Variants in GFOD2 observed in about 807,000 individuals in gnomAD.
GFOD2 encodes Gfo/Idh/MocA-like oxidoreductase domain containing 2, also known as glucose-fructose oxidoreductase domain-containing protein 2.
Under a neutral mutation model 24.6 loss-of-function variants are expected in GFOD2, and 9 were observed. The observed-to-expected ratio is 0.37, with a 90% confidence interval of 0.22 to 0.64. GFOD2 has a LOEUF of 0.64. Among genes scored for constraint, GFOD2 ranks in the 30% least tolerant of loss-of-function variants. GFOD2 has a pLI of 0.65. For missense variants in GFOD2, 476 were observed against 532.5 expected, an observed-to-expected ratio of 0.89 and a Z score of 1.04; for synonymous variants, 211 against 224.8, an observed-to-expected ratio of 0.94 and a Z score of 0.55.
intron 1 of GFOD2, among the ~76,000 whole-genome samples, chr16:67,705,953 G>A (rs898263885): frequency 1.0e-4 from 15 of 144,898 alleles, no homozygotes; most frequent in Non-Finnish European, 1.2e-4. Context: ...AAAAAAAAAA[G>A]TGCCTGTTAT....
At chr16:67,703,771 A>G (rs946705261) in intron 1 of GFOD2, among the ~76,000 whole-genome samples, 6 of 152,200 alleles carry the variant, frequency 3.9e-5, no homozygotes, top group African/African-American at 1.2e-4. Context: ...TGCAGAGAAG[A>G]GCACCATTAA....
chr16:67,707,185 C>G (rs1211867786), intron 1 of GFOD2, among the ~76,000 whole-genome samples: 1 of 151,880 alleles, frequency 6.6e-6, no homozygotes, highest in African/African-American at 2.4e-5. Context: ...ATGGTGAAAC[C>G]CCATGTCTAC....
intron 1 of GFOD2, among the ~76,000 whole-genome samples, chr16:67,709,573 TAAAGGA>T (rs1722397749): frequency 6.6e-6 from 1 of 152,094 alleles, no homozygotes; most frequent in South Asian, 2.1e-4. Context: ...TTAAATGCTA[TAAAGGA>T]AAAGAATGGT....
intron 1 of GFOD2, among the ~76,000 whole-genome samples, chr16:67,695,216 C>T (rs1012756082): frequency 8.6e-5 from 13 of 151,920 alleles, no homozygotes; most frequent in South Asian, 2.1e-4. Context: ...AGGCTGGTCT[C>T]GAACTCCTGA....
At chr16:67,708,643 C>T (rs1778335124) in intron 1 of GFOD2, among the ~76,000 whole-genome samples, 1 of 152,158 alleles carries the variant, frequency 6.6e-6, no homozygotes, top group Non-Finnish European at 1.5e-5. Context: ...ACAGGTTGGG[C>T]AATAAGACTT....
chr16:67,679,764 G>A (rs2053210434), intron 2 of GFOD2, among the ~76,000 whole-genome samples: 1 of 151,886 alleles, frequency 6.6e-6, no homozygotes, highest in Non-Finnish European at 1.5e-5. Context: ...GCAGGCGCCT[G>A]TAATCCCAGC....
intron 1 of GFOD2, among the ~76,000 whole-genome samples, chr16:67,694,896 T>A (rs2053346525): frequency 6.6e-6 from 1 of 152,162 alleles, no homozygotes; most frequent in African/African-American, 2.4e-5. Flanking sequence ...TGGGGTTGTT[T>A]TATTTTAACC....
At chr16:67,683,572 CAG>C (rs1160803524) in intron 2 of GFOD2, 22 of 1,231,666 alleles carry the variant, frequency 1.8e-5, no homozygotes, top group South Asian at 8.2e-5. Context: ...CACACATCCT[CAG>C]AGAGAGCTCT....
At position 67,714,060 on chromosome 16, in the gene GFOD2, G is replaced by A. The variant is rs936143158; in HGVS notation, c.-88+5103C>T. ...TATTGAAATTGCATGCCAGGAAACA[G>A]AGACAGAAGACCAAATATGTATTTC... On this transcript the variant is annotated intron_variant, in intron 1 of 2. Transcript: ENST00000268797. Among the ~76,000 whole-genome samples, 3 of 152,236 alleles carry A rather than the reference G, an allele frequency of 2.0e-5. No individual in the cohort carries two copies. In the East Asian group the frequency reaches 5.8e-4, roughly 29 times the overall value.
At chr16:67,717,987 A>C (rs2142998352) in intron 1 of GFOD2, among the ~76,000 whole-genome samples, 1 of 152,342 alleles carries the variant, frequency 6.6e-6, no homozygotes, top group African/African-American at 2.4e-5. Context: ...TCCCAATCCC[A>C]AAGCAGTTAA....
chr16:67,683,990 C>T (rs2053247113), intron 2 of GFOD2: 1 of 797,238 alleles, frequency 1.3e-6, no homozygotes, highest in Admixed American at 6.1e-5. Context: ...ACTATAAAAT[C>T]TGAAGACAGG....
Position 67,679,615 on chromosome 16 carries a change from G to A in GFOD2, c.260-3562C>T, listed in dbSNP as rs528757040. Among the ~76,000 whole-genome samples, 9 of 152,070 alleles carry A rather than the reference G, an allele frequency of 5.9e-5. No homozygotes were observed. In the South Asian group the frequency reaches 1.5e-3, roughly 25 times the overall value. ...TTAAGAGACGGGGTCTTGGCCGGGC[G>A]CAGTGGCTCAGGCCTGTAATCCCAG... is the stretch of plus-strand genomic sequence containing the variant. On this transcript the variant is annotated intron_variant, in intron 2 of 2. Coordinates refer to ENST00000268797, the MANE Select transcript of GFOD2 (RefSeq NM_030819.4).
chr16:67,705,271 G>A (rs2053431071), intron 1 of GFOD2, among the ~76,000 whole-genome samples: 1 of 152,130 alleles, frequency 6.6e-6, no homozygotes, highest in African/African-American at 2.4e-5. Context: ...GCAGTGGCAT[G>A]ATCTCAGCTC....
chr16:67,677,422 GC>G (rs1380807667), intron 2 of GFOD2: 1 of 152,224 alleles, frequency 6.6e-6, no homozygotes, highest in African/African-American at 2.4e-5. Flanking sequence ...TGTTGGCCAG[GC>G]TGGTCTCCAA....
intron 2 of GFOD2, chr16:67,684,573 G>A (rs572291146): frequency 3.9e-4 from 69 of 178,066 alleles, no homozygotes; most frequent in African/African-American, 1.6e-3. Flanking sequence ...GCAGGCACCT[G>A]TAATCCCAGC....
chr16:67,689,114 A>C (rs1377272282), intron 1 of GFOD2, among the ~76,000 whole-genome samples: 3 of 150,430 alleles, frequency 2.0e-5, no homozygotes, highest in African/African-American at 7.3e-5. Flanking sequence ...ATCTCAGCTT[A>C]CTGCAACCTC....
At chr16:67,702,949 A>G (rs551159749) in intron 1 of GFOD2, among the ~76,000 whole-genome samples, 11 of 152,242 alleles carry the variant, frequency 7.2e-5, no homozygotes, top group Non-Finnish European at 2.9e-5. Flanking sequence ...TGTGTGTGAG[A>G]AATCAGATTC....
At chr16:67,699,082 C>T (rs1027086864) in intron 1 of GFOD2, among the ~76,000 whole-genome samples, 2 of 152,158 alleles carry the variant, frequency 1.3e-5, no homozygotes, top group Admixed American at 6.5e-5. Flanking sequence ...GTGGCTCACA[C>T]CTGTAATCCC....
intron 2 of GFOD2, chr16:67,684,755 G>A: frequency 1.0e-6 from 1 of 982,650 alleles, no homozygotes; most frequent in Non-Finnish European, 1.2e-6. Flanking sequence ...AGTAAACTAG[G>A]TTCTGATTTA....
Sources: allele counts gnomAD v4.1 joint callset (sites outside exome capture counted in the v4.1 genomes callset), GRCh38; gene constraint gnomAD v4.1.1; transcripts MANE v1.5; gene names NCBI Gene and HGNC (gene_info 2026-07-23, HGNC 2026-07-21).